OLFM1: variants seen among roughly 807,000 people sequenced by gnomAD.
OLFM1 encodes the protein noelin.
A neutral mutation model predicts 49.7 loss-of-function variants in OLFM1; 9 were observed. The ratio of observed to expected loss-of-function variants is 0.18; its 90% confidence interval spans 0.11 to 0.32. The LOEUF (loss-of-function observed/expected upper bound fraction) is 0.32, where lower values mean the gene tolerates loss of function less well. Among genes scored for constraint, OLFM1 ranks in the 10% least tolerant of loss-of-function variants. The pLI is 1.00. For synonymous variants in OLFM1, 240 were observed against 271.8 expected (o/e 0.88, Z 1.15); for missense variants, 369 against 661.8 (o/e 0.56, Z 4.85).
In OLFM1 at chr9:135,119,369, G is replaced by GA. The variant is rs1229384371; in HGVS notation, c.784-134dup. On this transcript the variant is annotated intron_variant, in intron 5 of 5. Transcript: ENST00000371793. Reference sequence around the variant, plus strand: ...CTTTGGAGTGCTTTCTGGGTCTTTGGAGTGCTCACTGGGTCTTTGGAGTGC... The same window carrying GA: ...CTTTGGAGTGCTTTCTGGGTCTTTGGAAGTGCTCACTGGGTCTTTGGAGTGC... 5.7e-6 allele frequency: 4 copies of GA among 705,826 alleles called. No homozygotes were observed. The East Asian group carries it at 7.8e-5, about 14-fold the overall frequency. 43.7% of individuals were successfully genotyped at this position (705,826 alleles called of 1,614,324 possible).
At chr9:135,076,298 A>G in intron 1 of OLFM1, 1 of 1,550,374 alleles carries the variant, frequency 6.5e-7, no homozygotes, top group Non-Finnish European at 8.7e-7. Context: ...TGTGCCGCTG[A>G]GACCTGGAAG....
chr9:135,081,343 T>C (rs526205), intron 1 of OLFM1, among the ~76,000 whole-genome samples: 130,380 of 151,836 alleles, frequency 0.86, 56,333 homozygotes, highest in Middle Eastern at 0.9. Context: ...GAGGTGCTGG[T>C]GCTGCTGCCG....
At chr9:135,085,879 C>T (rs940911922), upstream of OLFM1, among the ~76,000 whole-genome samples, 10 of 151,984 alleles carry the variant, frequency 6.6e-5, no homozygotes, top group Non-Finnish European at 1.2e-4. Context: ...GGAGCAGGTG[C>T]AGGTTGGAGC....
intron 5 of OLFM1, among the ~76,000 whole-genome samples, chr9:135,112,656 C>T (rs990669013): frequency 6.6e-6 from 1 of 152,246 alleles, no homozygotes; most frequent in African/African-American, 2.4e-5. Context: ...CCGCACAGGG[C>T]CACTCTTGGG....
intron 5 of OLFM1, among the ~76,000 whole-genome samples, chr9:135,110,104 G>A (rs751960208): frequency 4.6e-5 from 7 of 152,114 alleles, no homozygotes; most frequent in Admixed American, 1.3e-4. Context: ...CTTCCCGCCC[G>A]TCCCATTGCC....
At chr9:135,087,215 T>C (rs1830609143), upstream of OLFM1, 10 of 1,399,936 alleles carry the variant, frequency 7.1e-6, no homozygotes, top group Non-Finnish European at 9.2e-6. Context: ...GAGCCTGCCC[T>C]GCCTGCTGGG....
upstream of OLFM1, chr9:135,086,517 G>T (rs1213808337): frequency 4.8e-6 from 2 of 420,076 alleles, no homozygotes; most frequent in Admixed American, 2.5e-5. Context: ...ATCCCATCCA[G>T]GAAGGGAGAT....
intron 2 of OLFM1, among the ~76,000 whole-genome samples, chr9:135,091,561 T>TCA (rs57311704): frequency 1.1e-4 from 14 of 123,388 alleles, no homozygotes; most frequent in South Asian, 2.6e-4. Flanking sequence ...ACACTCATAG[T>TCA]CACACACACA....
chr9:135,095,530 A>AAAGAGAGAG (rs113214887), intron 2 of OLFM1, among the ~76,000 whole-genome samples: 158 of 137,258 alleles, frequency 1.2e-3, no homozygotes, highest in Non-Finnish European at 1.7e-3. Flanking sequence ...AAAAAAAAAA[A>AAAGAGAGAG]AGAGAGAGAG....
At chr9:135,083,542 A>G (rs2119090242), upstream of OLFM1, among the ~76,000 whole-genome samples, 1 of 152,298 alleles carries the variant, frequency 6.6e-6, no homozygotes, top group Admixed American at 6.5e-5. Context: ...CAGGGCAAGT[A>G]GCTCCCCATC....
intron 1 of OLFM1, chr9:135,075,850 G>GC (rs1247118548): frequency 1.9e-6 from 3 of 1,540,840 alleles, no homozygotes; most frequent in Admixed American, 1.9e-5. Context: ...GCCCGGCCCG[G>GC]CCCCTCGGGA....
rs1299930556 is a variant in OLFM1, at chr9:135,088,223, G to T, written c.150+84G>T. The T allele has an allele frequency of 1.7e-6, 2 of 1,180,054 alleles. No homozygotes were observed. Among genetic ancestry groups the T allele is most frequent in the Non-Finnish European group, 2.1e-6 (2 of 944,490 alleles). The allele number at this position is 1,180,054 out of a possible 1,614,324, so 73.1% of individuals were successfully genotyped here. A position where few individuals can be genotyped will look rare whatever the true frequency, so the allele number is the denominator to read the frequency against. Reference sequence around the variant, plus strand: ...CTCGGTCCGGAGCCCCGGGCTGGGCGGGCGCCGCGCGGGACCCGAGTCGCC... The same window carrying T: ...CTCGGTCCGGAGCCCCGGGCTGGGCTGGCGCCGCGCGGGACCCGAGTCGCC... On this transcript the variant is annotated intron_variant, in intron 1 of 5. Coordinates refer to ENST00000371793, the MANE Select transcript of OLFM1 (RefSeq NM_001282611.2). This position sits in a 1 kb window ranked among gnomAD's most constrained non-coding sequence, Gnocchi z 4.8.
rs1471799670 is a variant in OLFM1 at position 135,106,667 on chromosome 9, G to A, written c.677-82G>A. Reference sequence around the variant, plus strand: ...GGAGAAGCCGCCACATGGCACGTGTGCTCTGGGCAGTCGAGGTCAGGGTCA... The same window carrying A: ...GGAGAAGCCGCCACATGGCACGTGTACTCTGGGCAGTCGAGGTCAGGGTCA... On this transcript the variant is annotated intron_variant, in intron 4 of 5. Coordinates refer to ENST00000371793, the MANE Select transcript of OLFM1 (RefSeq NM_001282611.2). 15 of 1,029,856 alleles carry A rather than the reference G, an allele frequency of 1.5e-5. No homozygotes were observed. In the East Asian group the frequency reaches 3.4e-4, roughly 23 times the overall value. 63.8% of individuals were successfully genotyped at this position (1,029,856 alleles called of 1,614,324 possible).
At chr9:135,100,769 G>T (rs985396033) in intron 4 of OLFM1, among the ~76,000 whole-genome samples, 4 of 152,196 alleles carry the variant, frequency 2.6e-5, no homozygotes, top group Non-Finnish European at 5.9e-5. Flanking sequence ...GAGCTCTGGG[G>T]TAATTCATGG....
intron 4 of OLFM1, among the ~76,000 whole-genome samples, chr9:135,102,520 A>G (rs1159355663): frequency 3.9e-5 from 6 of 152,120 alleles, no homozygotes; most frequent in Non-Finnish European, 1.5e-5. Flanking sequence ...AGTTCTCCAG[A>G]TGACAGGCGG....
At chr9:135,086,444 G>C (rs914604037), upstream of OLFM1, 1 of 368,750 alleles carries the variant, frequency 2.7e-6, no homozygotes, top group Non-Finnish European at 5.3e-6. Flanking sequence ...CCAGGAAGGC[G>C]TTGTTCCTCT....
At chr9:135,112,449 G>C (rs1337097426) in intron 5 of OLFM1, among the ~76,000 whole-genome samples, 2 of 152,214 alleles carry the variant, frequency 1.3e-5, no homozygotes, top group African/African-American at 4.8e-5. Context: ...CCCCTCATGA[G>C]GTCAGAAGCT....
chr9:135,106,295 C>T, intron 4 of OLFM1: 1 of 164,452 alleles, frequency 6.1e-6, no homozygotes, highest in South Asian at 1.6e-4. Flanking sequence ...CACACTGGGC[C>T]TGACTGTGCC....
intron 5 of OLFM1, among the ~76,000 whole-genome samples, chr9:135,112,105 C>T (rs1476400288): frequency 6.6e-6 from 1 of 152,180 alleles, no homozygotes; most frequent in African/African-American, 2.4e-5. Flanking sequence ...GGGGGCAGCA[C>T]CAGTGGCTCT....
Sources: gnomAD v4.1 joint callset for allele counts (sites outside exome capture counted in the v4.1 genomes callset) on GRCh38, gnomAD v4.1.1 for gene constraint, Gnocchi (gnomAD v3.1) non-coding constraint, MANE v1.5 for transcripts, NCBI Gene and HGNC (gene_info 2026-07-23, HGNC 2026-07-21) for gene names.